Variants in KRT23 observed in about 807,000 individuals in gnomAD.
KRT23 encodes keratin, type I cytoskeletal 23.
Under a neutral mutation model 47.6 loss-of-function variants are expected in KRT23, and 38 were observed. That is an observed-to-expected ratio of 0.80 (90% CI 0.62 to 1.05). The LOEUF (loss-of-function observed/expected upper bound fraction) is 1.05. Among genes scored for constraint, KRT23 ranks in the 50% least tolerant of loss-of-function variants. The pLI is 0.00. For synonymous variants in KRT23, 191 were observed against 199.0 expected (o/e 0.96, Z 0.34); for missense variants, 503 against 529.5 (o/e 0.95, Z 0.49).
chr17:40,934,367 C>T (rs1003054577), intron 2 of KRT23, among the ~76,000 whole-genome samples: 4 of 152,188 alleles, frequency 2.6e-5, no homozygotes, highest in Non-Finnish European at 5.9e-5. Flanking sequence ...GTTTCCTATT[C>T]AATCTCAGAA....
intron 8 of KRT23, among the ~76,000 whole-genome samples, chr17:40,923,534 A>T (rs1178290154): frequency 2.0e-5 from 3 of 152,260 alleles, no homozygotes; most frequent in Admixed American, 6.5e-5. Context: ...TTTCAAATAT[A>T]TAACTTATTT....
At chr17:40,929,318 G>A (rs867071474) in intron 4 of KRT23, among the ~76,000 whole-genome samples, 3 of 152,320 alleles carry the variant, frequency 2.0e-5, no homozygotes, top group South Asian at 4.1e-4. Flanking sequence ...TAGGGCTGAC[G>A]CCCATAGGAT....
chr17:40,925,686 C>A, intron 6 of KRT23, 112 bp from the exon 7 acceptor site: 2 of 753,710 alleles, frequency 2.7e-6, no homozygotes, highest in Non-Finnish European at 4.5e-6. Context: ...GTCTTGGTAG[C>A]TGCTGAGGAC....
intron 2 of KRT23, among the ~76,000 whole-genome samples, chr17:40,932,915 G>T (rs191241070): frequency 1.1e-3 from 163 of 152,304 alleles, no homozygotes; most frequent in African/African-American, 3.7e-3. Flanking sequence ...GGTGAGATTG[G>T]CTGAGTGAGC....
intron 7 of KRT23, chr17:40,925,151 C>A: frequency 1.7e-6 from 1 of 589,248 alleles, no homozygotes; most frequent in Non-Finnish European, 3.0e-6. Flanking sequence ...GACTGCAAAT[C>A]TTAGTGTCCT....
chr17:40,933,106 C>T (rs8067869), intron 2 of KRT23, among the ~76,000 whole-genome samples: 71,314 of 152,054 alleles, frequency 0.47, 17,844 homozygotes, highest in East Asian at 0.72. Context: ...AATAATACAC[C>T]TTTCTTTTTA....
At chr17:40,925,896 T>A (rs1184827230) in intron 6 of KRT23, among the ~76,000 whole-genome samples, 1 of 152,230 alleles carries the variant, frequency 6.6e-6, no homozygotes, top group Non-Finnish European at 1.5e-5. Flanking sequence ...GAGAAGGGTC[T>A]CAATTAGGGA....
At chr17:40,930,520 C>A (rs1909586655) in intron 3 of KRT23, among the ~76,000 whole-genome samples, 1 of 152,110 alleles carries the variant, frequency 6.6e-6, no homozygotes, top group East Asian at 1.9e-4. Flanking sequence ...AATCCCAGTA[C>A]TTTGGGAGGC....
At chr17:40,923,225 G>T in intron 8 of KRT23, 142 bp from the exon 9 acceptor site, 1 of 620,340 alleles carries the variant, frequency 1.6e-6, no homozygotes, top group African/African-American at 1.9e-5. Context: ...GGGCTCTGCT[G>T]CTGGGAAAAG....
chr17:40,925,870 T>G (rs1909195515), intron 6 of KRT23, among the ~76,000 whole-genome samples: 1 of 152,206 alleles, frequency 6.6e-6, no homozygotes, highest in African/African-American at 2.4e-5. Context: ...GGGACTGCTA[T>G]CTCTTTGTAT....
intron 3 of KRT23, among the ~76,000 whole-genome samples, chr17:40,930,888 A>G (rs1045452388): frequency 1.3e-5 from 2 of 152,148 alleles, no homozygotes; most frequent in Non-Finnish European, 2.9e-5. Context: ...TCCCCATACT[A>G]TAATGTGCTT....
At chr17:40,928,765 G>A in intron 4 of KRT23, 158 bp from the exon 5 acceptor site, 5 of 617,242 alleles carry the variant, frequency 8.1e-6, no homozygotes, top group East Asian at 2.8e-5. Context: ...CTTACTTGTT[G>A]GTGATAAAAC....
chr17:40,926,625 C>A (rs988666873), intron 6 of KRT23, among the ~76,000 whole-genome samples: 3 of 152,150 alleles, frequency 2.0e-5, no homozygotes, highest in African/African-American at 4.8e-5. Context: ...CGCCTTCTTG[C>A]GTTATCAATA....
At position 40,922,884 on chromosome 17, in the gene KRT23, C is replaced by A. The variant is rs928046307; in HGVS notation, c.*105G>T. 9 of 763,826 alleles carry A rather than the reference C, an allele frequency of 1.2e-5. No homozygotes were observed. The highest frequency in any genetic ancestry group is 1.8e-5 in the African/African-American group (1 of 56,556). The allele number at this position is 763,826 out of a possible 1,614,324, so 47.3% of individuals were successfully genotyped here. ...AAAAAAAAAATAAAAGTTTCTGAGTCTGATAATTCCAAGGGTATCTTTTAG... is the reference window on the plus strand; with the variant it reads ...AAAAAAAAAATAAAAGTTTCTGAGTATGATAATTCCAAGGGTATCTTTTAG... On this transcript the variant is annotated 3_prime_UTR_variant, in exon 9 of 9. Transcript: ENST00000209718.
chr17:40,930,187 C>A (rs963021125), intron 3 of KRT23, 91 bp from the exon 4 acceptor site: 12 of 1,251,812 alleles, frequency 9.6e-6, no homozygotes, highest in South Asian at 1.4e-5. Context: ...GAATCTTTTA[C>A]TTTTTAGGTT....
At chr17:40,926,633 A>G (rs182218945) in intron 6 of KRT23, among the ~76,000 whole-genome samples, 18 of 152,240 alleles carry the variant, frequency 1.2e-4, no homozygotes, top group African/African-American at 4.1e-4. Flanking sequence ...TGCGTTATCA[A>G]TATTCTCTCT....
rs772553662 is a variant in KRT23 at position 40,936,490 on chromosome 17, C to T, written c.114G>A (p.Ala38=). The change falls in exon 2 of 9, where the codon GCG becomes GCA. Residue 38 remains alanine (A), a synonymous_variant. Coordinates refer to ENST00000209718, the MANE Select transcript of KRT23 (RefSeq NM_015515.5). ...FPRAPTVHGG[A]GGARISLSFT... is the part of the protein sequence containing the mutation. ...AGGACAGGGAGATGCGGGCTCCCCC[C>T]GCACCGCCATGGACGGTGGGAGCCC... The T allele has an allele frequency of 5.8e-6, 9 of 1,563,856 alleles. No individual in the cohort carries two copies. The highest frequency in any genetic ancestry group is 1.7e-4 in the Middle Eastern group (1 of 5,812).
rs1399478039 is a variant in KRT23 at position 40,928,299 on chromosome 17, A to G, written c.860T>C (p.Ile287Thr). 3 of 1,614,172 alleles carry G rather than the reference A, an allele frequency of 1.9e-6. No homozygotes were observed. Among genetic ancestry groups the G allele is most frequent in the Admixed American group, 1.7e-5 (1 of 60,028 alleles). Residue 287 changes from isoleucine (I) to threonine (T), a missense_variant, in exon 6 of 9, where the codon ATC (isoleucine) becomes ACC (threonine). Transcript: ENST00000209718. ...CTGGAATGTGCGCTTCAGTTCGTGG[A>G]TGTCACCTTGTCTGCTCTGCACAGT... ...PATVQSRQGD[I>T]HELKRTFQAL...
intron 2 of KRT23, among the ~76,000 whole-genome samples, chr17:40,935,333 T>C (rs1909986244): frequency 6.6e-6 from 1 of 152,090 alleles, no homozygotes; most frequent in Non-Finnish European, 1.5e-5. Flanking sequence ...GGTTAAATCA[T>C]GGTCTTACAG....
Sources: allele counts gnomAD v4.1 joint callset (sites outside exome capture counted in the v4.1 genomes callset), GRCh38; gene constraint gnomAD v4.1.1; transcripts MANE v1.5; gene names NCBI Gene and HGNC (gene_info 2026-07-23, HGNC 2026-07-21).